Variants in ATP5MF observed in about 807,000 individuals in gnomAD.
ATP5MF encodes ATP synthase membrane subunit f.
A neutral mutation model predicts 13.8 loss-of-function variants in ATP5MF; 10 were observed. The observed-to-expected ratio is 0.72, with a 90% CI of 0.45 to 1.23. The LOEUF is 1.23. Ranked by LOEUF, ATP5MF falls within the 50% of genes most tolerant of loss-of-function variation. ATP5MF has a pLI of 0.00. For synonymous variants in ATP5MF, 40 were observed against 45.8 expected, an observed-to-expected ratio of 0.87 and a Z score of 0.51; for missense variants, 122 against 118.2, an observed-to-expected ratio of 1.03 and a Z score of -0.15.
intron 1 of ATP5MF, among the ~76,000 whole-genome samples, chr7:99,463,208 T>C (rs1798694991): frequency 6.6e-6 from 1 of 152,228 alleles, no homozygotes; most frequent in South Asian, 2.1e-4. Flanking sequence ...GGAAACATAC[T>C]GTTCATTACT....
intron 3 of ATP5MF, 26 bp downstream of exon 3, chr7:99,459,121 A>G (rs978420721): frequency 1.9e-6 from 3 of 1,573,516 alleles, no homozygotes; most frequent in Non-Finnish European, 2.6e-6. Context: ...TGGGAACTAA[A>G]GGCAAGACGC....
chr7:99,458,781 A>C (rs1328223540), intron 3 of ATP5MF, among the ~76,000 whole-genome samples: 2 of 152,122 alleles, frequency 1.3e-5, no homozygotes, highest in Non-Finnish European at 2.9e-5. Context: ...CAGAGCCGGA[A>C]CAGCCATGCT....
intron 1 of ATP5MF, among the ~76,000 whole-genome samples, chr7:99,465,527 G>T (rs1261691621): frequency 6.6e-6 from 1 of 152,144 alleles, no homozygotes; most frequent in Non-Finnish European, 1.5e-5. Flanking sequence ...TTACACATGG[G>T]TGTCTCGGAA....
chr7:99,462,437 C>A (rs1391115645), intron 1 of ATP5MF, among the ~76,000 whole-genome samples: 1 of 148,910 alleles, frequency 6.7e-6, no homozygotes, highest in African/African-American at 2.5e-5. Context: ...CACTACACTC[C>A]AGCCTGGGTG....
At chr7:99,464,141 C>T (rs954630241) in intron 1 of ATP5MF, among the ~76,000 whole-genome samples, 1 of 152,236 alleles carries the variant, frequency 6.6e-6, no homozygotes, top group Non-Finnish European at 1.5e-5. Flanking sequence ...GGCCACGCAG[C>T]GTTCCAAGTG....
At chr7:99,465,056 T>C (rs934834881) in intron 1 of ATP5MF, among the ~76,000 whole-genome samples, 5 of 151,970 alleles carry the variant, frequency 3.3e-5, no homozygotes, top group African/African-American at 1.2e-4. Flanking sequence ...GGTCAGGGGT[T>C]CAAGACTAGC....
intron 1 of ATP5MF, among the ~76,000 whole-genome samples, chr7:99,461,988 A>AT (rs1170497441): frequency 1.3e-5 from 2 of 151,336 alleles, no homozygotes; most frequent in African/African-American, 4.8e-5. Flanking sequence ...CAGTGAAGCC[A>AT]TTTTTTCACA....
At position 99,458,208 on chromosome 7, in the gene ATP5MF, T is replaced by G; in HGVS notation, c.*119A>C. ...AATCAGCACACGTACCAGTCATGTT[T>G]TATTTGGAGGTTAATTCCTATTAGG... is the stretch of plus-strand genomic sequence containing the variant. On this transcript the variant is annotated 3_prime_UTR_variant, in exon 4 of 4. Transcript: ENST00000292475. 3 of 1,085,428 alleles carry G rather than the reference T, an allele frequency of 2.8e-6. No homozygotes were observed. Among genetic ancestry groups the G allele is most frequent in the Non-Finnish European group, 2.7e-6 (2 of 752,524 alleles). The allele number at this position is 1,085,428 out of a possible 1,614,324, so 67.2% of individuals were successfully genotyped here.
rs767618873 is a variant in ATP5MF, at chr7:99,460,102, G to A, written c.123C>T (p.Phe41=). The change falls in exon 2 of 4, where the codon TTC becomes TTT. Residue 41 remains phenylalanine, a synonymous_variant. Coordinates refer to ENST00000292475, the MANE Select transcript of ATP5MF (RefSeq NM_004889.5). ...GGCTCTGACCTCTTTGAAACGCTCC[G>A]AAAATGCCACTAGGACTGAAGTCCC... The part of the protein sequence containing the change: ...LMRDFSPSGI[F]GAFQRGYYRY... 2.8e-5 allele frequency: 45 copies of A among 1,613,418 alleles called. No homozygotes were observed. The highest frequency in any genetic ancestry group is 1.8e-4 in the East Asian group (8 of 44,892).
Position 99,466,154 on chromosome 7 carries a change from G to C in ATP5MF, c.-13C>G. 1 of 1,614,158 alleles carries C rather than the reference G, an allele frequency of 6.2e-7. No homozygotes were observed. The highest frequency in any genetic ancestry group is 8.5e-7 in the Non-Finnish European group (1 of 1,180,022). On this transcript the variant is annotated 5_prime_UTR_variant, in exon 1 of 4. Coordinates refer to ENST00000292475, the MANE Select transcript of ATP5MF (RefSeq NM_004889.5). The stretch of plus-strand genomic sequence containing the variant: ...CAACTGACGCCATTTTGGAGTCCTG[G>C]TGTCCGCTGTGCCGGACCGCGCGAG...
intron 1 of ATP5MF, among the ~76,000 whole-genome samples, chr7:99,461,080 C>T (rs1164209370): frequency 1.3e-5 from 2 of 152,160 alleles, no homozygotes; most frequent in East Asian, 1.9e-4. Flanking sequence ...GCTGTACTGT[C>T]CTCACATTTG....
intron 1 of ATP5MF, among the ~76,000 whole-genome samples, chr7:99,465,712 T>G (rs1028135742): frequency 2.0e-5 from 3 of 152,222 alleles, no homozygotes; most frequent in African/African-American, 7.2e-5. Flanking sequence ...GTCCTAGTCC[T>G]GAGCTCCTCC....
In ATP5MF at chr7:99,466,119, G is replaced by T. The variant is rs1228052442; in HGVS notation, c.23C>A (p.Pro8Gln). 1 of 1,614,014 alleles carries T rather than the reference G, an allele frequency of 6.2e-7. No individual in the cohort carries two copies. Among genetic ancestry groups the T allele is most frequent in the Admixed American group, 1.7e-5 (1 of 59,994 alleles). Reference sequence around the variant, plus strand: ...AGTCCAAACAGCCTTACCTGGGGCCGGACACTCACCAACTGACGCCATTTT... The same window carrying T: ...AGTCCAAACAGCCTTACCTGGGGCCTGACACTCACCAACTGACGCCATTTT... Reference protein sequence around the residue: MASVGECPAPVPVKDKKL... With the variant: MASVGECQAPVPVKDKKL... The change falls in exon 1 of 4, where the codon CCG becomes CAG. Residue 8 changes from proline (P) to glutamine (Q), a missense_variant. Physicochemically the swap from Pro to Gln is moderately conservative, Grantham distance 76. Coordinates refer to ENST00000292475, the MANE Select transcript of ATP5MF (RefSeq NM_004889.5).
rs777986535 is a variant in ATP5MF, at chr7:99,459,131, C to A, written c.256+16G>T. The A allele has an allele frequency of 2.5e-6, 4 of 1,599,006 alleles. No homozygotes were observed. Among genetic ancestry groups the A allele is most frequent in the Admixed American group, 3.3e-5 (2 of 59,950 alleles). On this transcript the variant is annotated intron_variant, in intron 3 of 3. Transcript: ENST00000292475. The stretch of plus-strand genomic sequence containing the variant: ...TCTCATGGGAACTAAAGGCAAGACG[C>A]CGCAGAGGCACTCACTGAGATGCTT...
At chr7:99,465,513 C>A (rs1264101969) in intron 1 of ATP5MF, among the ~76,000 whole-genome samples, 3 of 152,096 alleles carry the variant, frequency 2.0e-5, no homozygotes, top group African/African-American at 7.2e-5. Flanking sequence ...ATGAATGTAG[C>A]GATTTACACA....
chr7:99,458,787 A>G (rs1034695862), intron 3 of ATP5MF, among the ~76,000 whole-genome samples: 6 of 152,028 alleles, frequency 3.9e-5, no homozygotes, highest in African/African-American at 1.4e-4. Context: ...CGGAACAGCC[A>G]TGCTTTTCTG....
chr7:99,460,628 T>A (rs371694065), intron 1 of ATP5MF: 2 of 450,906 alleles, frequency 4.4e-6, no homozygotes, highest in Non-Finnish European at 4.5e-6. Context: ...GTGACCAAAG[T>A]CACACACACA....
At chr7:99,459,934 G>T in intron 2 of ATP5MF, 152 bp downstream of exon 2, 2 of 838,230 alleles carry the variant, frequency 2.4e-6, no homozygotes, top group Non-Finnish European at 3.7e-6. Context: ...AACCACAGAA[G>T]TCCAAGGCCT....
intron 1 of ATP5MF, among the ~76,000 whole-genome samples, chr7:99,460,859 C>G (rs1798567637): frequency 6.6e-6 from 1 of 152,196 alleles, no homozygotes. Context: ...CCAGATGGGC[C>G]AGCCCGAGCA....
Sources: gnomAD v4.1 joint callset for allele counts (sites outside exome capture counted in the v4.1 genomes callset) on GRCh38, gnomAD v4.1.1 for gene constraint, MANE v1.5 for transcripts, NCBI Gene and HGNC (gene_info 2026-07-23, HGNC 2026-07-21) for gene names.